The following ACSL3 variants were observed in gnomAD, a reference collection of about 807,000 sequenced individuals.
ACSL3 encodes fatty acid CoA ligase Acsl3.
In ACSL3, 34 loss-of-function variants were observed where a neutral mutation model predicts 84.7. The ratio of observed to expected loss-of-function variants is 0.40; its 90% CI spans 0.31 to 0.53. The LOEUF is 0.53. ACSL3 is among the 20% of genes least tolerant of loss of function. The pLI, the probability that ACSL3 is intolerant of heterozygous loss-of-function variation, is 0.48. For missense variants in ACSL3, 680 were observed against 873.1 expected (o/e 0.78, Z 2.79); for synonymous variants, 315 against 299.4 (o/e 1.05, Z -0.54).
In ACSL3 at chr2:222,924,737, T is replaced by C. The variant is rs545748981; in HGVS notation, c.1292+142T>C. 77 of 1,017,192 alleles carry C rather than the reference T, an allele frequency of 7.6e-5. No individual in the cohort carries two copies. The African/African-American group carries it at 1.2e-3, about 16-fold the overall frequency. 63.0% of individuals were successfully genotyped at this position (1,017,192 alleles called of 1,614,324 possible). A position where few individuals can be genotyped will look rare whatever the true frequency, so the allele number is the denominator to read the frequency against. On this transcript the variant is annotated intron_variant, in intron 11 of 16. Coordinates refer to ENST00000357430, the MANE Select transcript of ACSL3 (RefSeq NM_004457.5). ...AAGAGAACTCTTTAAAAAAAATCCA[T>C]CCCAGGCCAGGCGCGGTGGCTCATG...
At chr2:222,891,023 T>C (rs1421490400) in intron 2 of ACSL3, among the ~76,000 whole-genome samples, 3 of 152,254 alleles carry the variant, frequency 2.0e-5, no homozygotes, top group Non-Finnish European at 4.4e-5. Flanking sequence ...CTGTTCACTC[T>C]CCTTAGTACA....
intron 1 of ACSL3, among the ~76,000 whole-genome samples, chr2:222,866,311 A>G (rs745798930): frequency 5.9e-5 from 9 of 151,978 alleles, no homozygotes; most frequent in Non-Finnish European, 1.2e-4. Flanking sequence ...ATGCCCGGCT[A>G]ATTTTTTGTA....
At chr2:222,910,027 C>G (rs942059961) in intron 4 of ACSL3, among the ~76,000 whole-genome samples, 1 of 152,232 alleles carries the variant, frequency 6.6e-6, no homozygotes, top group Non-Finnish European at 1.5e-5. Flanking sequence ...TCACAGCTTT[C>G]ATGCTTGTGA....
chr2:222,882,761 G>GTTTTTTTTTTTTTTTTTTTTTTTTT (rs71408540), intron 1 of ACSL3, among the ~76,000 whole-genome samples: 1 of 119,982 alleles, frequency 8.3e-6, no homozygotes, highest in Non-Finnish European at 1.7e-5. Context: ...CCAGATCACT[G>GTTTTTTTTTTTTTTTTTTTTTTTTT]TTTTTTTTTT....
intron 16 of ACSL3, among the ~76,000 whole-genome samples, chr2:222,934,926 C>T (rs1697134006): frequency 6.6e-6 from 1 of 152,178 alleles, no homozygotes. Context: ...CCTTTGCTTT[C>T]TGGGTTACCC....
At chr2:222,884,320 A>G (rs547518308) in intron 1 of ACSL3, among the ~76,000 whole-genome samples, 1 of 152,322 alleles carries the variant, frequency 6.6e-6, no homozygotes, top group East Asian at 1.9e-4. Flanking sequence ...GCAAACATTC[A>G]CAGTGGCAGT....
intron 2 of ACSL3, among the ~76,000 whole-genome samples, chr2:222,888,987 A>G (rs1695782931): frequency 6.6e-6 from 1 of 152,232 alleles, no homozygotes; most frequent in Non-Finnish European, 1.5e-5. Flanking sequence ...GTACTCCTCT[A>G]CAAATTTCTT....
At chr2:222,907,231 G>A (rs1263296291) in intron 3 of ACSL3, among the ~76,000 whole-genome samples, 3 of 152,166 alleles carry the variant, frequency 2.0e-5, no homozygotes, top group African/African-American at 7.2e-5. Flanking sequence ...TGGTGTCCTT[G>A]GCCTGATGCA....
chr2:222,925,342 C>CAAAAAA (rs34016050), intron 11 of ACSL3, among the ~76,000 whole-genome samples: 1 of 85,498 alleles, frequency 1.2e-5, no homozygotes. Context: ...ACTCTTGTCT[C>CAAAAAA]AAAAAAAAAA....
chr2:222,916,698 G>C, intron 5 of ACSL3: 2 of 486,408 alleles, frequency 4.1e-6, no homozygotes, highest in South Asian at 9.8e-5. Context: ...GTGTTGCAGT[G>C]AGGCTTGAAC....
At chr2:222,915,170 C>A (rs908826361) in intron 4 of ACSL3, among the ~76,000 whole-genome samples, 3 of 152,184 alleles carry the variant, frequency 2.0e-5, no homozygotes, top group Non-Finnish European at 4.4e-5. Context: ...TGTCTTCTAA[C>A]CCTCACAGAG....
At chr2:222,888,106 C>T (rs557223780) in intron 2 of ACSL3, among the ~76,000 whole-genome samples, 275 of 152,194 alleles carry the variant, frequency 1.8e-3, no homozygotes, top group African/African-American at 6.5e-3. Context: ...CTTTCCTTAA[C>T]TTGAATTTCA....
At chr2:222,939,834 G>A (rs1390290703) in intron 16 of ACSL3, among the ~76,000 whole-genome samples, 1 of 152,020 alleles carries the variant, frequency 6.6e-6, no homozygotes, top group Non-Finnish European at 1.5e-5. Context: ...GAGGGACTGC[G>A]TTTTCCTATA....
Position 222,919,186 on chromosome 2 carries a change from A to G in ACSL3, c.789A>G (p.Gly263=), listed in dbSNP as rs1268329557. ...VHTMAAVEAL[G]AKASMENQPH... ...CCATGGCTGCAGTGGAGGCCCTGGG[A>G]GCCAAGGCCAGCATGGGTATGTTAC... The change falls in exon 7 of 17, where the codon GGA becomes GGG. Residue 263 remains glycine (G), a synonymous_variant. Transcript: ENST00000357430. 13 of 1,613,904 alleles carry G rather than the reference A, an allele frequency of 8.1e-6. No homozygotes were observed. The highest frequency in any genetic ancestry group is 1.1e-5 in the Non-Finnish European group (13 of 1,179,938).
intron 1 of ACSL3, among the ~76,000 whole-genome samples, chr2:222,873,517 ATGTG>A (rs1695360349): frequency 6.6e-6 from 1 of 152,320 alleles, no homozygotes; most frequent in Admixed American, 6.5e-5. Flanking sequence ...TCTTCTAAGA[ATGTG>A]TGTTTGATGA....
chr2:222,894,074 T>C (rs1559285181), intron 2 of ACSL3, among the ~76,000 whole-genome samples: 1 of 152,224 alleles, frequency 6.6e-6, no homozygotes, highest in African/African-American at 2.4e-5. Flanking sequence ...GACTATGATA[T>C]TAATAATATT....
intron 1 of ACSL3, among the ~76,000 whole-genome samples, chr2:222,881,184 A>C (rs1003898007): frequency 5.9e-5 from 9 of 152,238 alleles, no homozygotes; most frequent in Non-Finnish European, 1.2e-4. Context: ...GTTCAATATA[A>C]AATTTATTAA....
rs777404453 is a variant in ACSL3 at position 222,916,450 on chromosome 2, C to T, written c.510C>T (p.Ala170=). Residue 170 remains alanine, a synonymous_variant, in exon 5 of 17, where the codon GCC becomes GCT. Coordinates refer to ENST00000357430, the MANE Select transcript of ACSL3 (RefSeq NM_004457.5). The stretch of plus-strand genomic sequence containing the variant: ...TCGCCATCTTCTGTGAGACCAGGGC[C>T]GAGTGGATGATAGCTGCACAGGCGT... ...TNIAIFCETR[A]EWMIAAQACF... is the part of the protein sequence containing the mutation. 8.7e-6 allele frequency: 14 copies of T among 1,613,450 alleles called. No homozygotes were observed. Among genetic ancestry groups the T allele is most frequent in the African/African-American group, 4.0e-5 (3 of 74,868 alleles).
chr2:222,919,894 G>C (rs531468832), intron 7 of ACSL3, among the ~76,000 whole-genome samples: 2 of 152,210 alleles, frequency 1.3e-5, no homozygotes, highest in Non-Finnish European at 2.9e-5. Flanking sequence ...TAGTACTCGA[G>C]TTATGTTTGG....
Sources: allele counts gnomAD v4.1 joint callset (sites outside exome capture counted in the v4.1 genomes callset), GRCh38; gene constraint gnomAD v4.1.1; transcripts MANE v1.5; gene names NCBI Gene and HGNC (gene_info 2026-07-23, HGNC 2026-07-21).